COL19A1: variants seen among roughly 807,000 people sequenced by gnomAD.
COL19A1 encodes collagen alpha-1(XIX) chain.
A neutral mutation model predicts 190.2 loss-of-function variants in COL19A1; 159 were observed. The ratio of observed to expected loss-of-function variants is 0.84; its 90% CI spans 0.73 to 0.95. The LOEUF (loss-of-function observed/expected upper bound fraction) is 0.95, where lower values mean the gene tolerates loss of function less well. COL19A1 is among the 40% of genes least tolerant of loss of function. COL19A1 has a pLI of 0.00. For missense variants in COL19A1, 1,418 were observed against 1,431.9 expected, an observed-to-expected ratio of 0.99 and a Z score of 0.16; for synonymous variants, 509 against 458.9, an observed-to-expected ratio of 1.11 and a Z score of -1.39.
rs549375716 is a variant in COL19A1 at position 70,207,600 on chromosome 6, T to A, written c.*326T>A. On this transcript the variant is annotated 3_prime_UTR_variant, in exon 51 of 51. Coordinates refer to ENST00000620364, the MANE Select transcript of COL19A1 (RefSeq NM_001858.6). ...TGCATCTTGTGACTTAGTAGACTGA[T>A]GATGATATCCATTTTGTAGACTCAT... 70 of 164,880 alleles carry A rather than the reference T, an allele frequency of 4.2e-4. No homozygotes were observed. The highest frequency in any genetic ancestry group is 1.6e-3 in the African/African-American group (69 of 41,996). The allele number at this position is 164,880 out of a possible 1,614,324, so 10.2% of individuals were successfully genotyped here.
chr6:70,142,078 T>C lies in COL19A1; in HGVS notation c.1572+2T>C. 1.2e-6 allele frequency: 2 copies of C among 1,610,834 alleles called. No individual in the cohort carries two copies. The highest frequency in any genetic ancestry group is 1.7e-6 in the Non-Finnish European group (2 of 1,178,106). The stretch of plus-strand genomic sequence containing the variant: ...TTAATAGGAAGCCCAGGACTAAAGG[T>C]ATATAAGAAATAACTAAGATTTCTT... On this transcript the variant is annotated splice_donor_variant, in intron 22 of 50. Coordinates refer to ENST00000620364, the MANE Select transcript of COL19A1 (RefSeq NM_001858.6). LOFTEE classifies it high-confidence loss of function.
intron 4 of COL19A1, among the ~76,000 whole-genome samples, chr6:69,924,027 C>T (rs140188719): frequency 6.6e-6 from 1 of 152,268 alleles, no homozygotes; most frequent in African/African-American, 2.4e-5. Context: ...ACAGACAGCA[C>T]CAACGGCAAA....
intron 12 of COL19A1, among the ~76,000 whole-genome samples, chr6:70,026,927 A>G (rs1322824868): frequency 6.6e-6 from 1 of 152,154 alleles, no homozygotes; most frequent in Non-Finnish European, 1.5e-5. Flanking sequence ...GCCACACATC[A>G]TTGCTTATTT....
At chr6:69,928,810 A>C (rs1304136435) in intron 5 of COL19A1, among the ~76,000 whole-genome samples, 3 of 152,182 alleles carry the variant, frequency 2.0e-5, no homozygotes, top group Non-Finnish European at 2.9e-5. Context: ...ACCATACATT[A>C]GTTTTTACTT....
intron 9 of COL19A1, among the ~76,000 whole-genome samples, chr6:69,943,238 G>C (rs1773585471): frequency 6.6e-6 from 1 of 152,014 alleles, no homozygotes; most frequent in African/African-American, 2.4e-5. Flanking sequence ...TTTAAAATCA[G>C]ATTATTGGGG....
At chr6:69,871,838 G>T (rs939518423) in intron 1 of COL19A1, among the ~76,000 whole-genome samples, 1 of 138,308 alleles carries the variant, frequency 7.2e-6, no homozygotes, top group African/African-American at 2.7e-5. Flanking sequence ...TTTTTGAAAC[G>T]GAGTCTTGCT....
At position 70,084,534 on chromosome 6, in the gene COL19A1, C is replaced by T. The variant is rs138033859; in HGVS notation, c.1224+16058C>T. 4.1e-4 allele frequency among the ~76,000 whole-genome samples: 63 copies of T among 152,316 alleles called. No individual in the cohort carries two copies. In the East Asian group the frequency reaches 5.4e-3, roughly 13 times the overall value. ...AACCAATGTAGAGGAAAATCAGTGTCGTCAGAGAGAAGCCTGATACTGACA... is the reference window on the plus strand; with the variant it reads ...AACCAATGTAGAGGAAAATCAGTGTTGTCAGAGAGAAGCCTGATACTGACA... On this transcript the variant is annotated intron_variant, in intron 15 of 50. Coordinates refer to ENST00000620364, the MANE Select transcript of COL19A1 (RefSeq NM_001858.6).
chr6:70,109,934 C>T (rs912065929), intron 16 of COL19A1, among the ~76,000 whole-genome samples: 1 of 152,158 alleles, frequency 6.6e-6, no homozygotes, highest in African/African-American at 2.4e-5. Context: ...ACCCTCAAAA[C>T]GCCATAGAAC....
chr6:70,010,123 T>C (rs1341174437), intron 11 of COL19A1, among the ~76,000 whole-genome samples: 3 of 152,058 alleles, frequency 2.0e-5, no homozygotes, highest in African/African-American at 7.2e-5. Flanking sequence ...GCCAGGAGAA[T>C]AAAAAGACAA....
intron 16 of COL19A1, among the ~76,000 whole-genome samples, chr6:70,102,501 C>T (rs1057046353): frequency 2.6e-5 from 4 of 152,110 alleles, no homozygotes; most frequent in African/African-American, 9.7e-5. Context: ...CTTGAACATC[C>T]CAAGCCAAGT....
intron 4 of COL19A1, among the ~76,000 whole-genome samples, chr6:69,918,597 A>C (rs1404075904): frequency 6.6e-6 from 1 of 152,086 alleles, no homozygotes; most frequent in Non-Finnish European, 1.5e-5. Flanking sequence ...TCCCAGCTAC[A>C]TAGGAGGCTG....
chr6:70,140,240 C>T (rs1359796502), intron 19 of COL19A1, among the ~76,000 whole-genome samples: 1 of 151,882 alleles, frequency 6.6e-6, no homozygotes, highest in Non-Finnish European at 1.5e-5. Context: ...TTGCATATCA[C>T]CTATGCATTC....
chr6:70,100,523 G>A (rs1783564397), intron 15 of COL19A1, among the ~76,000 whole-genome samples: 1 of 138,738 alleles, frequency 7.2e-6, no homozygotes, highest in Non-Finnish European at 1.5e-5. Context: ...AATTATATTT[G>A]TGTTTTTAAT....
intron 16 of COL19A1, among the ~76,000 whole-genome samples, chr6:70,109,672 C>A (rs1784177261): frequency 6.6e-6 from 1 of 151,206 alleles, no homozygotes; most frequent in African/African-American, 2.4e-5. Flanking sequence ...TGTTTTTAGC[C>A]CATTATCTTT....
intron 11 of COL19A1, among the ~76,000 whole-genome samples, chr6:69,985,192 A>G (rs1448753276): frequency 6.6e-6 from 1 of 152,194 alleles, no homozygotes; most frequent in Non-Finnish European, 1.5e-5. Flanking sequence ...GGCATTCAAT[A>G]TGAGTTTTGT....
intron 46 of COL19A1, among the ~76,000 whole-genome samples, chr6:70,186,256 T>C (rs879011718): frequency 1.3e-5 from 2 of 152,156 alleles, no homozygotes; most frequent in Non-Finnish European, 2.9e-5. Context: ...GTACCTAACT[T>C]ATAAAATAAT....
intron 17 of COL19A1, among the ~76,000 whole-genome samples, chr6:70,128,547 C>G (rs1785335793): frequency 6.6e-6 from 1 of 152,188 alleles, no homozygotes; most frequent in Admixed American, 6.5e-5. Context: ...ATTAGAGGGC[C>G]ACATCAGTGG....
In COL19A1 at chr6:69,921,361, T is replaced by C. The variant is rs111209993; in HGVS notation, c.267-6548T>C. Among the ~76,000 whole-genome samples, 221 of 103,478 alleles carry C rather than the reference T, an allele frequency of 2.1e-3. 5 individuals are homozygous for C. Among genetic ancestry groups the C allele is most frequent in the African/African-American group, 0.01 (212 of 20,676 alleles). The allele number at this position is 103,478 out of a possible 152,430, so 67.9% of individuals were successfully genotyped here. On this transcript the variant is annotated intron_variant, in intron 4 of 50. Transcript: ENST00000620364. ...CTATATATATCATATATCATAATCA[T>C]ATATATCATATATATCATATATATC...
rs202027541 is a variant in COL19A1 at position 70,207,189 on chromosome 6, G to A, written c.3344G>A (p.Gly1115Asp). ...PGSPGAPGPQ[G>D]PPGPSGRCNP... is the part of the protein sequence containing the mutation. ...TCACCAGGTGCCCCAGGCCCACAGGGCCCCCCAGGACCCAGTGGAAGATGT... is the reference window on the plus strand; with the variant it reads ...TCACCAGGTGCCCCAGGCCCACAGGACCCCCCAGGACCCAGTGGAAGATGT... Residue 1115 changes from glycine to aspartate, a missense_variant, in exon 51 of 51, where the codon GGC (glycine) becomes GAC (aspartate). Physicochemically the swap from Gly to Asp is moderately conservative, Grantham distance 94. Coordinates refer to ENST00000620364, the MANE Select transcript of COL19A1 (RefSeq NM_001858.6). 74 of 1,613,252 alleles carry A rather than the reference G, an allele frequency of 4.6e-5. No homozygotes were observed. The East Asian group carries it at 1.6e-3, about 35-fold the overall frequency.
Sources: allele counts gnomAD v4.1 joint callset (sites outside exome capture counted in the v4.1 genomes callset), GRCh38; gene constraint gnomAD v4.1.1; transcripts MANE v1.5; gene names NCBI Gene and HGNC (gene_info 2026-07-23, HGNC 2026-07-21).